SNCAIP: variants seen among roughly 807,000 people sequenced by gnomAD.
SNCAIP encodes synuclein alpha interacting protein, also known as synphilin-1.
In SNCAIP, 43 loss-of-function variants were observed where a neutral mutation model predicts 86.7. That is an observed-to-expected ratio of 0.50 (90% CI 0.39 to 0.64). SNCAIP has a LOEUF of 0.64. SNCAIP is among the 30% of genes least tolerant of loss of function. The pLI is 0.00. For synonymous variants in SNCAIP, 417 were observed against 427.2 expected, an observed-to-expected ratio of 0.98 and a Z score of 0.29; for missense variants, 981 against 1,103.1, an observed-to-expected ratio of 0.89 and a Z score of 1.57.
intron 3 of SNCAIP, among the ~76,000 whole-genome samples, chr5:122,419,973 A>G (rs767892881): frequency 3.9e-5 from 6 of 152,210 alleles, no homozygotes; most frequent in Non-Finnish European, 8.8e-5. Context: ...TATATAGCAC[A>G]AAGTTGCCCT....
intron 10 of SNCAIP, among the ~76,000 whole-genome samples, chr5:122,457,722 G>GA (rs1785116220): frequency 6.6e-6 from 1 of 152,166 alleles, no homozygotes; most frequent in African/African-American, 2.4e-5. Flanking sequence ...TTTTCAGAAA[G>GA]AAAACCCTCA....
intron 8 of SNCAIP, among the ~76,000 whole-genome samples, chr5:122,448,914 G>A (rs536160376): frequency 4.7e-5 from 7 of 150,474 alleles, no homozygotes; most frequent in Non-Finnish European, 7.4e-5. Context: ...TACTCGGGAG[G>A]CTGAGGCAGG....
chr5:122,336,051 C>A (rs1756374224), intron 1 of SNCAIP, among the ~76,000 whole-genome samples: 1 of 152,108 alleles, frequency 6.6e-6, no homozygotes, highest in African/African-American at 2.4e-5. Context: ...ATTATTAAGA[C>A]TTAACTTATA....
chr5:122,345,908 C>G (rs1250363845), intron 1 of SNCAIP, among the ~76,000 whole-genome samples: 1 of 151,980 alleles, frequency 6.6e-6, no homozygotes, highest in South Asian at 2.1e-4. Flanking sequence ...CTAACTTAAC[C>G]TCCCAAAGTG....
intron 3 of SNCAIP, among the ~76,000 whole-genome samples, chr5:122,409,356 A>T (rs1351770494): frequency 2.0e-5 from 3 of 152,222 alleles, no homozygotes; most frequent in Non-Finnish European, 4.4e-5. Context: ...TGCTGCTTTA[A>T]ATGTGATTCT....
intron 2 of SNCAIP, among the ~76,000 whole-genome samples, chr5:122,395,178 A>C: frequency 6.6e-6 from 1 of 152,172 alleles, no homozygotes; most frequent in Non-Finnish European, 1.5e-5. Context: ...AAATCTTTTA[A>C]TTTTACTGTA....
intron 10 of SNCAIP, among the ~76,000 whole-genome samples, chr5:122,455,549 G>A (rs945917432): frequency 8.5e-5 from 13 of 152,186 alleles, no homozygotes; most frequent in African/African-American, 3.1e-4. Context: ...TTGGGTTGGA[G>A]TTGGGGCCAA....
intron 10 of SNCAIP, among the ~76,000 whole-genome samples, chr5:122,457,740 C>G (rs1785120279): frequency 6.6e-6 from 1 of 152,160 alleles, no homozygotes; most frequent in African/African-American, 2.4e-5. Flanking sequence ...TCATTTTATA[C>G]CATGACTTGG....
chr5:122,311,877 G>A (rs1580683046), upstream of SNCAIP: 1 of 152,172 alleles, frequency 6.6e-6, no homozygotes, highest in African/African-American at 2.4e-5. Context: ...GCCGAGCCGG[G>A]GGCGCCGCGG....
chr5:122,424,447 G>A (rs1157941613), intron 4 of SNCAIP, among the ~76,000 whole-genome samples: 1 of 152,104 alleles, frequency 6.6e-6, no homozygotes, highest in Non-Finnish European at 1.5e-5. Context: ...AGCAAGCCTG[G>A]GCTCGTACTA....
chr5:122,393,383 A>G (rs1179329591), intron 2 of SNCAIP, among the ~76,000 whole-genome samples: 1 of 152,178 alleles, frequency 6.6e-6, no homozygotes, highest in Admixed American at 6.6e-5. Context: ...CATTTTACAG[A>G]TGAGGAAACT....
chr5:122,399,465 T>C (rs1000371185), intron 2 of SNCAIP, among the ~76,000 whole-genome samples: 53 of 152,198 alleles, frequency 3.5e-4, no homozygotes, highest in African/African-American at 1.2e-3. Flanking sequence ...CCATTACTCA[T>C]GCTATTAATA....
At chr5:122,448,698 A>ATTATATACATATATATAATATATATGTT (rs1783008341) in intron 8 of SNCAIP, among the ~76,000 whole-genome samples, 3 of 119,496 alleles carry the variant, frequency 2.5e-5, no homozygotes, top group South Asian at 5.5e-4. Flanking sequence ...TATTATATAT[A>ATTATATACATATATATAATATATATGTT]TTATATACAT....
intron 1 of SNCAIP, among the ~76,000 whole-genome samples, chr5:122,315,085 C>T (rs1316629604): frequency 6.6e-6 from 1 of 152,164 alleles, no homozygotes; most frequent in East Asian, 1.9e-4. Flanking sequence ...TGCTGGATAA[C>T]AAATCCCCAC....
intron 1 of SNCAIP, among the ~76,000 whole-genome samples, chr5:122,354,795 T>C (rs1416098239): frequency 6.6e-6 from 1 of 152,208 alleles, no homozygotes; most frequent in Non-Finnish European, 1.5e-5. Context: ...TTATACTTTT[T>C]ATTCATATTA....
intron 1 of SNCAIP, among the ~76,000 whole-genome samples, chr5:122,353,267 A>T (rs2152748061): frequency 6.6e-6 from 1 of 152,146 alleles, no homozygotes; most frequent in African/African-American, 2.4e-5. Flanking sequence ...AGGCAAACCA[A>T]TCTATTGTGT....
intron 10 of SNCAIP, among the ~76,000 whole-genome samples, chr5:122,455,795 C>A (rs190700456): frequency 9.2e-5 from 14 of 151,662 alleles, no homozygotes; most frequent in Non-Finnish European, 2.1e-4. Context: ...AGCTTGATAG[C>A]AAAAATCTAA....
intron 7 of SNCAIP, 146 bp from the exon 8 acceptor site, chr5:122,444,403 GCTCTGCTACATCAT>G: frequency 4.2e-6 from 3 of 718,276 alleles, no homozygotes; most frequent in Non-Finnish European, 7.5e-6. Context: ...AGTAGGACTG[GCTCTGCTACATCAT>G]CATAGACTCT....
At chr5:122,428,857 C>T (rs993282277) in intron 5 of SNCAIP, among the ~76,000 whole-genome samples, 1 of 151,844 alleles carries the variant, frequency 6.6e-6, no homozygotes, top group African/African-American at 2.4e-5. Flanking sequence ...GTTTTCTGTC[C>T]TTGTGATAGT....
Sources: allele counts gnomAD v4.1 joint callset (sites outside exome capture counted in the v4.1 genomes callset), GRCh38; gene constraint gnomAD v4.1.1; transcripts MANE v1.5; gene names NCBI Gene and HGNC (gene_info 2026-07-23, HGNC 2026-07-21).